The following PITPNM2 variants were observed in gnomAD, a reference collection of about 807,000 sequenced individuals.
PITPNM2 encodes membrane-associated phosphatidylinositol transfer protein 2.
In PITPNM2, 35 loss-of-function variants were observed where a neutral mutation model predicts 132.2. The observed-to-expected ratio is 0.26, with a 90% CI of 0.20 to 0.35. The LOEUF (loss-of-function observed/expected upper bound fraction) is 0.35. Ranked by LOEUF, PITPNM2 falls within the 10% of genes least tolerant of loss-of-function variation. PITPNM2 has a pLI of 1.00. For synonymous variants in PITPNM2, 738 were observed against 799.2 expected, an observed-to-expected ratio of 0.92 and a Z score of 1.29; for missense variants, 1,332 against 1,912.0, an observed-to-expected ratio of 0.70 and a Z score of 5.66.
At chr12:123,013,269 G>A (rs2039286894) in intron 4 of PITPNM2, among the ~76,000 whole-genome samples, 1 of 152,246 alleles carries the variant, frequency 6.6e-6, no homozygotes, top group Admixed American at 6.5e-5. Context: ...CACCTGCTCA[G>A]CAGTAGACAG....
intron 2 of PITPNM2, among the ~76,000 whole-genome samples, chr12:123,040,547 C>T (rs2040429180): frequency 6.6e-6 from 1 of 152,136 alleles, no homozygotes; most frequent in African/African-American, 2.4e-5. Flanking sequence ...ACTATTATCA[C>T]TTACAATAAA....
rs548626896 is a variant in PITPNM2 at position 123,048,561 on chromosome 12, C to T, written c.-95-13876G>A. On this transcript the variant is annotated intron_variant, in intron 2 of 25. Coordinates refer to ENST00000320201, the MANE Select transcript of PITPNM2 (RefSeq NM_020845.3). ...CCGAGTAGCTGGGACTACAGGCGCC[C>T]GCCACCGCGCCCGGCTAATTTTTTG... Among the ~76,000 whole-genome samples the T allele has an allele frequency of 1.7e-4, 26 of 152,020 alleles. No homozygotes were observed. In the South Asian group the frequency reaches 4.0e-3, roughly 23 times the overall value.
intron 10 of PITPNM2, among the ~76,000 whole-genome samples, chr12:122,999,117 A>G (rs1470232073): frequency 6.6e-6 from 1 of 151,862 alleles, no homozygotes; most frequent in Non-Finnish European, 1.5e-5. Context: ...TCTCCAAAAA[A>G]AAAAAAAAAA....
chr12:123,056,489 C>T (rs148642971), intron 2 of PITPNM2, among the ~76,000 whole-genome samples: 1 of 152,334 alleles, frequency 6.6e-6, no homozygotes, highest in Non-Finnish European at 1.5e-5. Context: ...ACTGTGCTGG[C>T]TCACCTTGGA....
chr12:123,129,612 T>C (rs918583611), intron 1 of PITPNM2, among the ~76,000 whole-genome samples: 7 of 152,202 alleles, frequency 4.6e-5, no homozygotes, highest in Non-Finnish European at 1.0e-4. Context: ...TATCAAATGC[T>C]TTTCTGGCAT....
At chr12:123,019,692 C>T (rs563689368) in intron 3 of PITPNM2, among the ~76,000 whole-genome samples, 7 of 152,364 alleles carry the variant, frequency 4.6e-5, no homozygotes, top group African/African-American at 1.7e-4. Context: ...CTGTGCAGCC[C>T]TCACCCAGAG....
intron 14 of PITPNM2, among the ~76,000 whole-genome samples, 182 bp from the exon 15 acceptor site, chr12:122,995,161 C>T (rs1007005312): frequency 3.3e-5 from 5 of 152,194 alleles, no homozygotes; most frequent in African/African-American, 1.2e-4. Flanking sequence ...CACCCTCACC[C>T]TCAAGACAAG....
intron 1 of PITPNM2, among the ~76,000 whole-genome samples, chr12:123,145,320 A>C (rs2043592315): frequency 6.6e-6 from 1 of 152,144 alleles, no homozygotes; most frequent in Non-Finnish European, 1.5e-5. Context: ...GCAGGTTGGC[A>C]TGTCCACACC....
chr12:123,091,717 T>C (rs529575429), intron 2 of PITPNM2: 1 of 152,364 alleles, frequency 6.6e-6, no homozygotes, highest in South Asian at 2.1e-4. Context: ...TGATACACAC[T>C]GGAAAGCACC....
Position 122,987,572 on chromosome 12 carries a change from A to G in PITPNM2, c.3202T>C (p.Tyr1068His). ...LVTNNSGRVS[Y>H]TIPESHRLGV... is the part of the protein sequence containing the mutation. Reference sequence around the variant, plus strand: ...AGGCGGTGCGACTCAGGGATGGTGTAGGAGACACGCCCACTGTTGTTGGTC... The same window carrying G: ...AGGCGGTGCGACTCAGGGATGGTGTGGGAGACACGCCCACTGTTGTTGGTC... Residue 1068 changes from tyrosine to histidine, a missense_variant, in exon 22 of 26, where the codon TAC becomes CAC. By Grantham distance (83) the Tyr-to-His change is moderately conservative. Transcript: ENST00000320201. 1 of 1,613,952 alleles carries G rather than the reference A, an allele frequency of 6.2e-7. No homozygotes were observed. The highest frequency in any genetic ancestry group is 8.5e-7 in the Non-Finnish European group (1 of 1,180,006).
intron 3 of PITPNM2, 143 bp from the exon 4 acceptor site, chr12:123,014,185 G>T: frequency 1.2e-6 from 1 of 821,290 alleles, no homozygotes; most frequent in Non-Finnish European, 1.9e-6. Flanking sequence ...GTCACTTCCA[G>T]GCCCCCAAAT....
At chr12:123,026,442 T>C (rs1316572107) in intron 3 of PITPNM2, among the ~76,000 whole-genome samples, 1 of 152,208 alleles carries the variant, frequency 6.6e-6, no homozygotes, top group Non-Finnish European at 1.5e-5. Context: ...TGTGAAAGAA[T>C]AAATGTCTAT....
chr12:123,092,836 C>T (rs539395976), intron 2 of PITPNM2: 9 of 152,422 alleles, frequency 5.9e-5, no homozygotes, highest in South Asian at 2.1e-4. Context: ...CTCCCTACCT[C>T]GACCTCTCCC....
Position 123,078,849 on chromosome 12 carries a change from T to C in PITPNM2, c.-96+31536A>G, listed in dbSNP as rs760148680. On this transcript the variant is annotated intron_variant, in intron 2 of 25. Transcript: ENST00000320201. The surrounding 1 kb of genome is among the most constrained non-coding windows in gnomAD (Gnocchi z 7.3). Reference sequence around the variant, plus strand: ...GCAGCTGCCCACGTCCCAGCTTCGATACTGGCTTCAGCCACCTGGCCCCAC... The same window carrying C: ...GCAGCTGCCCACGTCCCAGCTTCGACACTGGCTTCAGCCACCTGGCCCCAC... 6.6e-6 allele frequency among the ~76,000 whole-genome samples: 1 copy of C among 152,222 alleles called. No individual in the cohort carries two copies. The highest frequency in any genetic ancestry group is 1.5e-5 in the Non-Finnish European group (1 of 68,030).
intron 2 of PITPNM2, among the ~76,000 whole-genome samples, chr12:123,043,651 T>C (rs1392718793): frequency 4.6e-5 from 7 of 152,200 alleles, no homozygotes; most frequent in Non-Finnish European, 1.0e-4. Flanking sequence ...CTTGCAGTGC[T>C]CTGCAGCTCC....
At chr12:123,012,788 C>A in intron 4 of PITPNM2, 54 bp from the exon 5 acceptor site, 1 of 1,599,186 alleles carries the variant, frequency 6.3e-7, no homozygotes, top group South Asian at 1.1e-5. Flanking sequence ...GGCCCAGTGT[C>A]CTGGCCAGGG....
intron 2 of PITPNM2, among the ~76,000 whole-genome samples, chr12:123,068,196 G>GGCCGGGCGCA (rs1353720875): frequency 4.6e-5 from 7 of 152,006 alleles, no homozygotes; most frequent in South Asian, 2.1e-4. Flanking sequence ...GGCCGGGCAC[G>GGCCGGGCGCA]GTGGCTCACG....
At chr12:123,131,453 G>A (rs1198416503) in intron 1 of PITPNM2, among the ~76,000 whole-genome samples, 1 of 152,192 alleles carries the variant, frequency 6.6e-6, no homozygotes, top group Non-Finnish European at 1.5e-5. Context: ...TGGATGTGTG[G>A]CTTCCAGTAC....
chr12:122,988,398 G>A, intron 19 of PITPNM2, 48 bp from the exon 20 acceptor site: 1 of 1,533,464 alleles, frequency 6.5e-7, no homozygotes, highest in Non-Finnish European at 9.0e-7. Context: ...CCACCCGGGG[G>A]CTTCCTGCCC....
Sources: allele counts gnomAD v4.1 joint callset (sites outside exome capture counted in the v4.1 genomes callset), GRCh38; gene constraint gnomAD v4.1.1; non-coding constraint Gnocchi (gnomAD v3.1); transcripts MANE v1.5; gene names NCBI Gene and HGNC (gene_info 2026-07-23, HGNC 2026-07-21).